FLNB: variants seen among roughly 807,000 people sequenced by gnomAD.
The protein encoded by FLNB is filamin B.
A neutral mutation model predicts 250.6 loss-of-function variants in FLNB; 111 were observed. That is an observed-to-expected ratio of 0.44 (90% CI 0.38 to 0.52). FLNB has a LOEUF of 0.52. FLNB is among the 20% of genes least tolerant of loss of function. FLNB has a pLI of 0.00. For missense variants in FLNB, 2,869 were observed against 3,447.8 expected, an observed-to-expected ratio of 0.83 and a Z score of 4.20; for synonymous variants, 1,302 against 1,372.1, an observed-to-expected ratio of 0.95 and a Z score of 1.13.
rs539335995 is a variant in FLNB at position 58,077,032 on chromosome 3, G to A, written c.293-14G>A. 15 of 1,614,042 alleles carry A rather than the reference G, an allele frequency of 9.3e-6. No homozygotes were observed. The highest frequency in any genetic ancestry group is 4.0e-5 in the African/African-American group (3 of 75,032). On this transcript the variant is annotated splice_polypyrimidine_tract_variant and intron_variant, in intron 1 of 45. Transcript: ENST00000295956. ...AACCCAAAGGAATGACCAAGCCTGT[G>A]CTTCTCTCCCCAGATAGCAAAGCCA...
chr3:58,104,647 T>C (rs2097256647), intron 10 of FLNB, among the ~76,000 whole-genome samples: 1 of 149,380 alleles, frequency 6.7e-6, no homozygotes, highest in African/African-American at 2.5e-5. Context: ...CCTACCACGC[T>C]TTTTTTTTTA....
intron 1 of FLNB, among the ~76,000 whole-genome samples, chr3:58,056,094 TTTATTTATTTA>T (rs2097169924): frequency 2.3e-5 from 3 of 132,256 alleles, no homozygotes; most frequent in African/African-American, 1.2e-4. Flanking sequence ...TATTTATTTA[TTTATTTATTTA>T]TTTTTTTTTT....
intron 1 of FLNB, among the ~76,000 whole-genome samples, chr3:58,022,370 A>G (rs2097115381): frequency 6.6e-6 from 1 of 152,208 alleles, no homozygotes; most frequent in East Asian, 1.9e-4. Context: ...CTGGGGTCCC[A>G]GTGGAACACT....
At chr3:58,122,456 G>A (rs1157163491) in intron 20 of FLNB, among the ~76,000 whole-genome samples, 1 of 150,306 alleles carries the variant, frequency 6.7e-6, no homozygotes, top group Non-Finnish European at 1.5e-5. Context: ...TTGTGCCACT[G>A]CACTCCAGCC....
intron 1 of FLNB, among the ~76,000 whole-genome samples, chr3:58,049,941 G>A (rs1366817014): frequency 2.0e-5 from 3 of 152,126 alleles, no homozygotes; most frequent in African/African-American, 7.2e-5. Flanking sequence ...CCCCGTGGAT[G>A]GGGGCAGAGG....
chr3:58,147,611 A>G (rs1383893842), intron 34 of FLNB, among the ~76,000 whole-genome samples: 2 of 152,236 alleles, frequency 1.3e-5, no homozygotes, highest in African/African-American at 2.4e-5. Context: ...AGAAATGCCC[A>G]CAGCCATGCC....
At chr3:58,024,957 C>T (rs1361149776) in intron 1 of FLNB, among the ~76,000 whole-genome samples, 9 of 150,144 alleles carry the variant, frequency 6.0e-5, no homozygotes, top group African/African-American at 1.2e-4. Context: ...ATACTCTGCC[C>T]GCCTCGGCCT....
intron 11 of FLNB, 144 bp downstream of exon 11, chr3:58,105,360 G>C: frequency 9.9e-7 from 1 of 1,005,252 alleles, no homozygotes; most frequent in Non-Finnish European, 1.5e-6. Context: ...CCATCTCTGC[G>C]TGCTGCTGTA....
At chr3:58,009,495 G>A (rs1488832514) in intron 1 of FLNB, among the ~76,000 whole-genome samples, 1 of 152,168 alleles carries the variant, frequency 6.6e-6, no homozygotes, top group Non-Finnish European at 1.5e-5. Context: ...CGCGCCGCAG[G>A]TTGAACCCAC....
At chr3:58,138,550 C>A in intron 29 of FLNB, 21 bp downstream of exon 29, 1 of 1,613,870 alleles carries the variant, frequency 6.2e-7, no homozygotes, top group Non-Finnish European at 8.5e-7. Context: ...TTCCTTCTCC[C>A]GAGCATGCTG....
Position 58,144,787 on chromosome 3 carries a change from G to T in FLNB, c.5426-1134G>T, listed in dbSNP as rs373551088. 3.0e-4 allele frequency among the ~76,000 whole-genome samples: 46 copies of T among 152,358 alleles called. No homozygotes were observed. The South Asian group carries it at 4.1e-3, about 14-fold the overall frequency. ...TAGAATATGGTATCAAATTTTTGGA[G>T]CTTTGCCAGTCTGATGGTTGGAAAG... On this transcript the variant is annotated intron_variant, in intron 32 of 45. Coordinates refer to ENST00000295956, the MANE Select transcript of FLNB (RefSeq NM_001457.4).
chr3:58,138,248 T>C (rs761043701), intron 28 of FLNB, 34 bp from the exon 29 acceptor site: 1 of 1,612,448 alleles, frequency 6.2e-7, no homozygotes, highest in South Asian at 1.1e-5. Flanking sequence ...TGTGTGTCCA[T>C]ACTTCCATTC....
At chr3:58,086,577 CT>C (rs1438888268) in intron 4 of FLNB, among the ~76,000 whole-genome samples, 19 of 152,030 alleles carry the variant, frequency 1.2e-4, no homozygotes, top group Admixed American at 1.2e-3. Flanking sequence ...TTTTACCTTT[CT>C]TTTTAGGCAG....
At chr3:58,105,282 C>A in intron 11 of FLNB, 66 bp downstream of exon 11, 1 of 1,605,578 alleles carries the variant, frequency 6.2e-7, no homozygotes, top group South Asian at 1.1e-5. Context: ...CGGGCTGTGT[C>A]AGGCTGGATG....
chr3:58,146,773 A>G (rs2097336431), intron 33 of FLNB, 47 bp from the exon 34 acceptor site: 2 of 1,605,694 alleles, frequency 1.2e-6, no homozygotes, highest in South Asian at 1.1e-5. Context: ...TCTTAAAACA[A>G]GGCAACTCTC....
At chr3:58,011,586 G>A (rs2097099049) in intron 1 of FLNB, among the ~76,000 whole-genome samples, 1 of 152,214 alleles carries the variant, frequency 6.6e-6, no homozygotes, top group Non-Finnish European at 1.5e-5. Context: ...TCTTGAGGCT[G>A]TTGTGGGTAA....
chr3:58,087,747 G>C (rs113903699), intron 4 of FLNB, among the ~76,000 whole-genome samples: 9,820 of 150,682 alleles, frequency 0.065, 376 homozygotes, highest in Admixed American at 0.085. Context: ...ACTGCGCCCA[G>C]CCTTTTTTTT....
At chr3:58,163,085 T>G in intron 42 of FLNB, 69 bp from the exon 43 acceptor site, 1 of 1,518,792 alleles carries the variant, frequency 6.6e-7, no homozygotes, top group Non-Finnish European at 9.1e-7. Context: ...GCCTCCATCC[T>G]TTATCCTCAC....
chr3:58,088,301 G>A (rs1169384788), intron 4 of FLNB, among the ~76,000 whole-genome samples: 1 of 152,060 alleles, frequency 6.6e-6, no homozygotes, highest in Non-Finnish European at 1.5e-5. Context: ...ACCTGCCTTG[G>A]CCTCCCAAAT....
Sources: allele counts gnomAD v4.1 joint callset (sites outside exome capture counted in the v4.1 genomes callset), GRCh38; gene constraint gnomAD v4.1.1; transcripts MANE v1.5; gene names NCBI Gene and HGNC (gene_info 2026-07-23, HGNC 2026-07-21).